Variants in CLC observed in about 807,000 individuals in gnomAD.
CLC encodes galectin-10.
Under a neutral mutation model 13.9 loss-of-function variants are expected in CLC, and 15 were observed. The ratio of observed to expected loss-of-function variants is 1.08; its 90% CI spans 0.72 to 1.66. CLC has a LOEUF of 1.66. Among genes scored for constraint, CLC ranks in the 40% most tolerant of loss-of-function variants. The pLI, the probability that CLC is intolerant of heterozygous loss-of-function variation, is 0.00. For missense variants in CLC, 161 were observed against 169.1 expected, an observed-to-expected ratio of 0.95 and a Z score of 0.27; for synonymous variants, 68 against 59.9, an observed-to-expected ratio of 1.14 and a Z score of -0.63.
At chr19:39,732,780 T>C (rs1944640333) in intron 3 of CLC, among the ~76,000 whole-genome samples, 1 of 151,868 alleles carries the variant, frequency 6.6e-6, no homozygotes, top group African/African-American at 2.4e-5. Flanking sequence ...CCATTCTAAC[T>C]GGTGTGAGAC....
intron 1 of CLC, 142 bp from the exon 2 acceptor site, chr19:39,735,215 C>T (rs1280884410): frequency 4.8e-6 from 3 of 626,578 alleles, no homozygotes; most frequent in Admixed American, 5.7e-5. Flanking sequence ...AGTCAGGACC[C>T]CGTATTTTTC....
chr19:39,736,864 A>T (rs1019187183), intron 1 of CLC, among the ~76,000 whole-genome samples: 9 of 152,032 alleles, frequency 5.9e-5, no homozygotes, highest in African/African-American at 2.2e-4. Context: ...GAACTACGGT[A>T]TGCAACACCA....
In CLC at chr19:39,735,213, C is replaced by T. The variant is rs191011555; in HGVS notation, c.16-140G>A. On this transcript the variant is annotated intron_variant, in intron 1 of 3. Transcript: ENST00000221804. The stretch of plus-strand genomic sequence containing the variant: ...TGCTCCCACCCTACCTCAGTCAGGA[C>T]CCCGTATTTTTCAAAACAATGGGGC... The T allele has an allele frequency of 1.3e-5, 8 of 631,654 alleles. No individual in the cohort carries two copies. In the East Asian group the frequency reaches 2.1e-4, roughly 17 times the overall value. The allele number at this position is 631,654 out of a possible 1,614,324, so 39.1% of individuals were successfully genotyped here.
chr19:39,734,137 G>C, intron 3 of CLC, 146 bp downstream of exon 3: 1 of 1,404,966 alleles, frequency 7.1e-7, no homozygotes. Flanking sequence ...GGGGAGTTAT[G>C]GGTGATGAAA....
chr19:39,733,718 T>A (rs899785370), intron 3 of CLC, among the ~76,000 whole-genome samples: 1 of 152,110 alleles, frequency 6.6e-6, no homozygotes, highest in Non-Finnish European at 1.5e-5. Flanking sequence ...TACCAGCATT[T>A]GTTTAAAAAC....
intron 1 of CLC, among the ~76,000 whole-genome samples, chr19:39,735,299 G>A (rs1967292146): frequency 6.6e-6 from 1 of 152,152 alleles, no homozygotes; most frequent in South Asian, 2.1e-4. Flanking sequence ...TTATTGTGCT[G>A]ACTACTAGCA....
At chr19:39,733,051 T>C (rs1967250080) in intron 3 of CLC, among the ~76,000 whole-genome samples, 1 of 137,760 alleles carries the variant, frequency 7.3e-6, no homozygotes, top group Non-Finnish European at 1.6e-5. Context: ...ATATCCAGAA[T>C]CTACAATGAA....
chr19:39,731,283 G>T lies in CLC; in HGVS notation c.*97C>A. ...AGTTTGATTAAGTTTTAATGAGCAGGAGTAAGGATTGAAGTGAGAAAAGAT... is the reference window on the plus strand; with the variant it reads ...AGTTTGATTAAGTTTTAATGAGCAGTAGTAAGGATTGAAGTGAGAAAAGAT... On this transcript the variant is annotated 3_prime_UTR_variant, in exon 4 of 4. Coordinates refer to ENST00000221804, the MANE Select transcript of CLC (RefSeq NM_001828.6). 3 of 1,303,592 alleles carry T rather than the reference G, an allele frequency of 2.3e-6. No homozygotes were observed. The highest frequency in any genetic ancestry group is 2.2e-6 in the Non-Finnish European group (2 of 908,312). The allele number at this position is 1,303,592 out of a possible 1,614,324, so 80.8% of individuals were successfully genotyped here.
intron 1 of CLC, 131 bp downstream of exon 1, chr19:39,737,807 C>T (rs1368039319): frequency 1.0e-6 from 1 of 957,868 alleles, no homozygotes; most frequent in African/African-American, 1.6e-5. Flanking sequence ...CCTAGGGTCT[C>T]TCTTCCACAC....
At chr19:39,732,814 T>A (rs901153409) in intron 3 of CLC, among the ~76,000 whole-genome samples, 1 of 151,428 alleles carries the variant, frequency 6.6e-6, no homozygotes, top group Non-Finnish European at 1.5e-5. Context: ...CCTAAAACCA[T>A]AAAAACCCTA....
At chr19:39,737,762 C>T (rs1020303055) in intron 1 of CLC, among the ~76,000 whole-genome samples, 176 bp downstream of exon 1, 1 of 152,034 alleles carries the variant, frequency 6.6e-6, no homozygotes, top group Non-Finnish European at 1.5e-5. Flanking sequence ...ACACCCCCTA[C>T]CCCCCTACCC....
In CLC at chr19:39,734,391, G is replaced by A. The variant is rs146776010; in HGVS notation, c.195C>T (p.Asn65=). 1 of 1,614,084 alleles carries A rather than the reference G, an allele frequency of 6.2e-7. No individual in the cohort carries two copies. The part of the protein sequence containing the change: ...QVCFGRRVVM[N]SREYGAWKQQ... ...GCTTCCAGGCCCCATACTCACGGCT[G>A]TTCATGACCACACGACGACCAAAGC... The change falls in exon 3 of 4, where the codon AAC becomes AAT. Residue 65 remains asparagine (N), a synonymous_variant. Transcript: ENST00000221804.
At chr19:39,736,586 C>T (rs1177307719) in intron 1 of CLC, among the ~76,000 whole-genome samples, 1 of 151,982 alleles carries the variant, frequency 6.6e-6, no homozygotes, top group Non-Finnish European at 1.5e-5. Flanking sequence ...ACCAGCCTGG[C>T]CAACATGGAG....
At chr19:39,732,159 C>A (rs1313485413) in intron 3 of CLC, among the ~76,000 whole-genome samples, 1 of 129,454 alleles carries the variant, frequency 7.7e-6, no homozygotes, top group Non-Finnish European at 1.6e-5. Context: ...TATACATGTG[C>A]CATGCTGGTG....
intron 3 of CLC, 105 bp from the exon 4 acceptor site, chr19:39,731,610 C>A: frequency 8.1e-7 from 1 of 1,234,024 alleles, no homozygotes; most frequent in Non-Finnish European, 1.1e-6. Flanking sequence ...CCAGAAAATG[C>A]CTCATTATAT....
chr19:39,731,570 C>G (rs1409519342), intron 3 of CLC, 65 bp from the exon 4 acceptor site: 4 of 1,526,204 alleles, frequency 2.6e-6, no homozygotes, highest in Non-Finnish European at 3.5e-6. Flanking sequence ...AGCCTGCTCT[C>G]TATGGTGTCA....
At chr19:39,736,139 A>G (rs941848852) in intron 1 of CLC, among the ~76,000 whole-genome samples, 1 of 151,848 alleles carries the variant, frequency 6.6e-6, no homozygotes, top group Non-Finnish European at 1.5e-5. Flanking sequence ...GGTACTCTGC[A>G]TCTTTTCTAA....
chr19:39,733,671 A>G (rs943879245), intron 3 of CLC, among the ~76,000 whole-genome samples: 4 of 152,208 alleles, frequency 2.6e-5, no homozygotes, highest in Non-Finnish European at 5.9e-5. Context: ...GTACAACTCA[A>G]CTGTCATTCC....
chr19:39,735,058 C>T lies in CLC; in HGVS notation c.31G>A (p.Ala11Thr). Residue 11 changes from alanine to threonine, a missense_variant, in exon 2 of 4, where the codon GCT (alanine) becomes ACT (threonine). By Grantham distance (58) the Ala-to-Thr change is moderately conservative. Coordinates refer to ENST00000221804, the MANE Select transcript of CLC (RefSeq NM_001828.6). ...GTAGAACCAGTAGACAAAGAGGCAG[C>T]CTCTGTGTATGGCACCTGCCAGGGG... The part of the protein sequence containing the change: MSLLPVPYTE[A>T]ASLSTGSTVT... 1.2e-6 allele frequency: 2 copies of T among 1,613,814 alleles called. No homozygotes were observed. Among genetic ancestry groups the T allele is most frequent in the Middle Eastern group, 1.7e-4 (1 of 6,060 alleles).
Sources: gnomAD v4.1 joint callset for allele counts (sites outside exome capture counted in the v4.1 genomes callset) on GRCh38, gnomAD v4.1.1 for gene constraint, MANE v1.5 for transcripts, NCBI Gene and HGNC (gene_info 2026-07-23, HGNC 2026-07-21) for gene names.